ANGPTL4: variants seen among roughly 807,000 people sequenced by gnomAD.
The protein encoded by ANGPTL4 is angiopoietin like 4, also known as angiopoietin-related protein 4.
Under a neutral mutation model 39.2 loss-of-function variants are expected in ANGPTL4, and 39 were observed. The observed-to-expected ratio is 1.00, with a 90% confidence interval of 0.77 to 1.30. The LOEUF (loss-of-function observed/expected upper bound fraction) is 1.30, where lower values mean the gene tolerates loss of function less well. Ranked by LOEUF, ANGPTL4 falls within the 50% of genes most tolerant of loss-of-function variation. The pLI is 0.00. For synonymous variants in ANGPTL4, 233 were observed against 229.5 expected (o/e 1.02, Z -0.14); for missense variants, 545 against 549.8 (o/e 0.99, Z 0.09).
At chr19:8,366,085 G>T in intron 2 of ANGPTL4, 21 bp downstream of exon 2, 3 of 1,612,638 alleles carry the variant, frequency 1.9e-6, no homozygotes, top group Non-Finnish European at 2.5e-6. Context: ...GATCAAGGGA[G>T]AAAAGGTCCC....
chr19:8,371,210 C>T lies in ANGPTL4; in HGVS notation c.758-31C>T, dbSNP rs766875709. Reference sequence around the variant, plus strand: ...GGAAGAGGGACCCTCAGAAGTGGCCCTGCCTCATGGAGTGGCCTCTCCCAC... The same window carrying T: ...GGAAGAGGGACCCTCAGAAGTGGCCTTGCCTCATGGAGTGGCCTCTCCCAC... On this transcript the variant is annotated intron_variant, in intron 5 of 6. Coordinates refer to ENST00000301455, the MANE Select transcript of ANGPTL4 (RefSeq NM_139314.3). The surrounding 1 kb of genome is among the most constrained non-coding windows in gnomAD (Gnocchi z 5.1). 1 of 1,614,036 alleles carries T rather than the reference C, an allele frequency of 6.2e-7. No homozygotes were observed. The highest frequency in any genetic ancestry group is 8.5e-7 in the Non-Finnish European group (1 of 1,180,044).
chr19:8,373,403 CA>C (rs942565010), intron 6 of ANGPTL4, among the ~76,000 whole-genome samples: 4 of 148,290 alleles, frequency 2.7e-5, no homozygotes, highest in Non-Finnish European at 4.5e-5. Flanking sequence ...GACTCAGTCT[CA>C]AAAAAAAAGA....
chr19:8,373,944 G>A lies in ANGPTL4; in HGVS notation c.*58G>A, dbSNP rs909970776. On this transcript the variant is annotated 3_prime_UTR_variant, in exon 7 of 7. Coordinates refer to ENST00000301455, the MANE Select transcript of ANGPTL4 (RefSeq NM_139314.3). ...AAGACGGTGACTCTTGGCTCTGCCC[G>A]AGGATGTGGCCGTTCCCTGCCTGGG... 8.8e-6 allele frequency: 14 copies of A among 1,587,914 alleles called. No individual in the cohort carries two copies. Among genetic ancestry groups the A allele is most frequent in the African/African-American group, 2.7e-5 (2 of 74,396 alleles).
At chr19:8,368,103 C>G (rs989222515) in intron 3 of ANGPTL4, among the ~76,000 whole-genome samples, 1 of 148,970 alleles carries the variant, frequency 6.7e-6, no homozygotes, top group Non-Finnish European at 1.5e-5. Context: ...ACTGCAACCT[C>G]TGCCTCCCGG....
At position 8,371,359 on chromosome 19, in the gene ANGPTL4, C is replaced by G; in HGVS notation, c.876C>G (p.His292Gln). 6.2e-7 allele frequency: 1 copy of G among 1,613,696 alleles called. No individual in the cohort carries two copies. Among genetic ancestry groups the G allele is most frequent in the Non-Finnish European group, 8.5e-7 (1 of 1,180,024 alleles). ...GNAELLQFSV[H>Q]LGGEDTAYSL... Reference sequence around the variant, plus strand: ...CCGAGTTGCTGCAGTTCTCCGTGCACCTGGGTGGCGAGGACACGGCCTATA... The same window carrying G: ...CCGAGTTGCTGCAGTTCTCCGTGCAGCTGGGTGGCGAGGACACGGCCTATA... The change falls in exon 6 of 7, where the codon CAC becomes CAG. Residue 292 changes from histidine to glutamine, a missense_variant. By Grantham distance (24) the His-to-Gln change is conservative (BLOSUM62 0). Coordinates refer to ENST00000301455, the MANE Select transcript of ANGPTL4 (RefSeq NM_139314.3). The surrounding 1 kb of genome is among the most constrained non-coding windows in gnomAD (Gnocchi z 5.1).
At chr19:8,364,721 G>A (rs1410069825) in intron 1 of ANGPTL4, 82 bp downstream of exon 1, 16 of 1,506,232 alleles carry the variant, frequency 1.1e-5, no homozygotes, top group Admixed American at 3.9e-5. Flanking sequence ...GGGGCGTGGG[G>A]GCGGGGTGCG....
At chr19:8,373,543 C>A in intron 6 of ANGPTL4, 162 bp from the exon 7 acceptor site, 1 of 341,214 alleles carries the variant, frequency 2.9e-6, no homozygotes, top group Non-Finnish European at 4.1e-6. Flanking sequence ...TGCACTCCAG[C>A]CTGGGTGACA....
chr19:8,370,749 C>T (rs1367737511), intron 4 of ANGPTL4, among the ~76,000 whole-genome samples: 8 of 151,194 alleles, frequency 5.3e-5, no homozygotes, highest in Non-Finnish European at 1.0e-4. Context: ...CTGAGAAGTC[C>T]TTTCCATTAC....
At position 8,371,525 on chromosome 19, in the gene ANGPTL4, G is replaced by A. The variant is rs370389963; in HGVS notation, c.1039+3G>A. On this transcript the variant is annotated splice_donor_region_variant and intron_variant, in intron 6 of 6. Transcript: ENST00000301455. This position sits in a 1 kb window ranked among gnomAD's most constrained non-coding sequence, Gnocchi z 5.1. ...GAACTGCGCCAAGAGCCTCTCTGGT[G>A]AGCAGGCCCTGCCATGCCACACCCA... 4 of 1,612,600 alleles carry A rather than the reference G, an allele frequency of 2.5e-6. No homozygotes were observed. The highest frequency in any genetic ancestry group is 1.3e-5 in the African/African-American group (1 of 74,928).
At position 8,366,222 on chromosome 19, in the gene ANGPTL4, G is replaced by T. The variant is rs765669768; in HGVS notation, c.450G>T (p.Lys150Asn). ...CCTAGTTTGGCCTCCTGGACCACAA[G>T]CACCTAGACCATGAGGTGGCCAAGC... ...LQSQFGLLDH[K>N]HLDHEVAKPA... Residue 150 changes from lysine to asparagine, a missense_variant, in exon 3 of 7, where the codon AAG becomes AAT. Coordinates refer to ENST00000301455, the MANE Select transcript of ANGPTL4 (RefSeq NM_139314.3). 1.2e-6 allele frequency: 2 copies of T among 1,614,140 alleles called. No homozygotes were observed.
chr19:8,371,102 C>A lies in ANGPTL4; in HGVS notation c.708C>A (p.Asp236Glu), dbSNP rs747779826. ...VIQRRHDGSV[D>E]FNRPWEAYKA... ...AGAGGCGCCACGATGGCTCAGTGGA[C>A]TTCAACCGGCCCTGGGAAGCCTACA... Residue 236 changes from aspartate (D) to glutamate (E), a missense_variant, in exon 5 of 7, where the codon GAC (aspartate) becomes GAA (glutamate). Transcript: ENST00000301455. The surrounding 1 kb of genome is among the most constrained non-coding windows in gnomAD (Gnocchi z 5.1). The A allele has an allele frequency of 1.4e-5, 23 of 1,610,578 alleles. No homozygotes were observed. The highest frequency in any genetic ancestry group is 1.3e-4 in the South Asian group (12 of 90,550).
intron 4 of ANGPTL4, 81 bp from the exon 5 acceptor site, chr19:8,370,975 T>G: frequency 6.8e-7 from 1 of 1,477,560 alleles, no homozygotes. Context: ...TTGGAGGGGG[T>G]TTGGTGCTTG....
At chr19:8,368,710 T>G (rs115598253) in intron 3 of ANGPTL4, among the ~76,000 whole-genome samples, 2,596 of 152,176 alleles carry the variant, frequency 0.017, 79 homozygotes, top group African/African-American at 0.059. Flanking sequence ...ATGCAAAAAC[T>G]AGTCGGGCGT....
chr19:8,373,370 C>T (rs911107029), intron 6 of ANGPTL4, among the ~76,000 whole-genome samples: 2 of 151,510 alleles, frequency 1.3e-5, no homozygotes, highest in African/African-American at 4.9e-5. Context: ...TGCCACTGCA[C>T]TCCAGCCTGG....
At chr19:8,370,525 C>T (rs1971093785) in intron 4 of ANGPTL4, among the ~76,000 whole-genome samples, 2 of 152,038 alleles carry the variant, frequency 1.3e-5, no homozygotes, top group African/African-American at 4.8e-5. Flanking sequence ...CCAGCCTGGC[C>T]AACATGGTGA....
Position 8,371,645 on chromosome 19 carries a change from G to A in ANGPTL4, c.1039+123G>A, listed in dbSNP as rs979373348. The A allele has an allele frequency of 2.1e-5, 30 of 1,404,066 alleles. 1 individual carries two copies. The Admixed American group carries it at 5.0e-4, about 23-fold the overall frequency. The allele number at this position is 1,404,066 out of a possible 1,614,324, so 87.0% of individuals were successfully genotyped here. ...TGCCCCCACCTCTTCCTTACATGCCGTGTGTGTGATTGGGCCACTAACTTA... is the reference window on the plus strand; with the variant it reads ...TGCCCCCACCTCTTCCTTACATGCCATGTGTGTGATTGGGCCACTAACTTA... On this transcript the variant is annotated intron_variant, in intron 6 of 6. Transcript: ENST00000301455. This position sits in a 1 kb window ranked among gnomAD's most constrained non-coding sequence, Gnocchi z 5.1.
rs879299335 is a variant in ANGPTL4, at chr19:8,365,812, C to T, written c.319-142C>T. On this transcript the variant is annotated intron_variant, in intron 1 of 6. Coordinates refer to ENST00000301455, the MANE Select transcript of ANGPTL4 (RefSeq NM_139314.3). The stretch of plus-strand genomic sequence containing the variant: ...CAGCCTGGGCGAGAGAACGAGACCC[C>T]GTCATTGGGAAAAAAAAGAAAAAAG... 98 of 721,928 alleles carry T rather than the reference C, an allele frequency of 1.4e-4. No homozygotes were observed. In the Middle Eastern group the frequency reaches 3.6e-3, roughly 26 times the overall value. The allele number at this position is 721,928 out of a possible 1,614,324, so 44.7% of individuals were successfully genotyped here. A position where few individuals can be genotyped will look rare whatever the true frequency, so the allele number is the denominator to read the frequency against.
intron 3 of ANGPTL4, among the ~76,000 whole-genome samples, chr19:8,368,492 G>T (rs1971050573): frequency 6.6e-6 from 1 of 152,184 alleles, no homozygotes. Context: ...CATTTGGGGT[G>T]TTCTGGCCTG....
Position 8,366,306 on chromosome 19 carries a change from C to T in ANGPTL4, c.534C>T (p.Val178=). The T allele has an allele frequency of 6.2e-7, 1 of 1,613,802 alleles. No individual in the cohort carries two copies. The highest frequency in any genetic ancestry group is 8.5e-7 in the Non-Finnish European group (1 of 1,180,008). ...MAQPVDPAHN[V]SRLHRLPRDC... ...AGCCAGTTGACCCGGCTCACAATGT[C>T]AGCCGCCTGCACCGTGAGTGTCTGC... Residue 178 remains valine (V), a synonymous_variant, in exon 3 of 7, where the codon GTC becomes GTT. Transcript: ENST00000301455.
Sources: gnomAD v4.1 joint callset for allele counts (sites outside exome capture counted in the v4.1 genomes callset) on GRCh38, gnomAD v4.1.1 for gene constraint, Gnocchi (gnomAD v3.1) non-coding constraint, MANE v1.5 for transcripts, NCBI Gene and HGNC (gene_info 2026-07-23, HGNC 2026-07-21) for gene names.